FAM171B: variants seen among roughly 807,000 people sequenced by gnomAD.
FAM171B encodes protein FAM171B.
A neutral mutation model predicts 75.6 loss-of-function variants in FAM171B; 19 were observed. The ratio of observed to expected loss-of-function variants is 0.25; its 90% CI spans 0.18 to 0.37. FAM171B has a LOEUF of 0.37. FAM171B is among the 10% of genes least tolerant of loss of function. The probability of loss-of-function intolerance (pLI) is 1.00; values close to 1 mark genes in which losing one functional copy is unlikely to be tolerated. For missense variants in FAM171B, 848 were observed against 982.4 expected (o/e 0.86, Z 1.83); for synonymous variants, 367 against 361.7 (o/e 1.01, Z -0.17).
intron 1 of FAM171B, among the ~76,000 whole-genome samples, chr2:186,737,528 T>G (rs527974381): frequency 2.6e-5 from 4 of 152,160 alleles, no homozygotes; most frequent in Non-Finnish European, 5.9e-5. Flanking sequence ...AAGTTTTTTG[T>G]AGAGACAGGG....
In FAM171B at chr2:186,752,220, T is replaced by C. The variant is rs1239897119; in HGVS notation, c.895+916T>C. 2.0e-5 allele frequency among the ~76,000 whole-genome samples: 3 copies of C among 152,204 alleles called. No homozygotes were observed. The East Asian group carries it at 5.8e-4, about 29-fold the overall frequency. ...CTGTCTTTGTGACCTGCAAATTGAA[T>C]GCACAGATTTATTTAGACTTTAGGT... is the stretch of plus-strand genomic sequence containing the variant. On this transcript the variant is annotated intron_variant, in intron 5 of 7. Transcript: ENST00000304698.
chr2:186,724,392 A>G (rs1402113830), intron 1 of FAM171B, among the ~76,000 whole-genome samples: 1 of 152,144 alleles, frequency 6.6e-6, no homozygotes, highest in African/African-American at 2.4e-5. Flanking sequence ...CACATGACCA[A>G]TGCCTTGACA....
chr2:186,694,410 A>C lies in FAM171B; in HGVS notation c.237A>C (p.Pro79=), dbSNP rs745730645. 1.2e-6 allele frequency: 2 copies of C among 1,611,064 alleles called. No homozygotes were observed. Among genetic ancestry groups the C allele is most frequent in the Non-Finnish European group, 1.7e-6 (2 of 1,178,522 alleles). The change falls in exon 1 of 8, where the codon CCA becomes CCC. Residue 79 remains proline (P), a splice_region_variant and synonymous_variant. Transcript: ENST00000304698. The stretch of plus-strand genomic sequence containing the variant: ...GGGCAACCTCCACCTTGACGGTTCC[A>C]GGTAGGTCCTGGCTGCCCAGCCCGG... ...VPGATSTLTV[P]VSVFMLKVQV... is the part of the protein sequence containing the mutation.
rs773604753 is a variant in FAM171B at position 186,754,073 on chromosome 2, TA to T, written c.1012+28del. 1.6e-5 allele frequency: 24 copies of T among 1,518,414 alleles called. No individual in the cohort carries two copies. In the South Asian group the frequency reaches 2.3e-4, roughly 14 times the overall value. 94.1% of individuals were successfully genotyped at this position (1,518,414 alleles called of 1,614,324 possible). On this transcript the variant is annotated intron_variant, in intron 6 of 7. Coordinates refer to ENST00000304698, the MANE Select transcript of FAM171B (RefSeq NM_177454.4). ...AGGTATTGTAAAAAATGAAAGTAAT[TA>T]AAACATGTAATTCAAATAGTCTTGC...
intron 1 of FAM171B, among the ~76,000 whole-genome samples, chr2:186,739,728 T>G (rs1690259881): frequency 6.6e-6 from 1 of 152,230 alleles, no homozygotes; most frequent in Admixed American, 6.5e-5. Context: ...AATTAACTTT[T>G]ATTTTTGTAT....
intron 1 of FAM171B, among the ~76,000 whole-genome samples, chr2:186,733,211 A>G (rs1690146020): frequency 6.6e-6 from 1 of 152,172 alleles, no homozygotes; most frequent in South Asian, 2.1e-4. Flanking sequence ...TGATGTTACA[A>G]ATTTTACAAA....
intron 4 of FAM171B, among the ~76,000 whole-genome samples, chr2:186,748,284 C>A (rs1163120066): frequency 6.6e-6 from 1 of 151,538 alleles, no homozygotes; most frequent in East Asian, 1.9e-4. Context: ...AAAATCACCT[C>A]AAACAGTCTA....
chr2:186,723,873 C>A (rs1183003487), intron 1 of FAM171B, among the ~76,000 whole-genome samples: 1 of 152,074 alleles, frequency 6.6e-6, no homozygotes, highest in African/African-American at 2.4e-5. Flanking sequence ...GCCAGTAGTC[C>A]CATCTATTGG....
At chr2:186,695,043 A>G (rs1372100453) in intron 1 of FAM171B, 2 of 152,296 alleles carry the variant, frequency 1.3e-5, no homozygotes, top group African/African-American at 2.4e-5. Flanking sequence ...AAGCAAAACA[A>G]AACAGGAGTT....
chr2:186,719,550 GA>G (rs1298444390), intron 1 of FAM171B, among the ~76,000 whole-genome samples: 1 of 152,036 alleles, frequency 6.6e-6, no homozygotes, highest in Non-Finnish European at 1.5e-5. Context: ...ACTGTTGTGA[GA>G]AAAAAACAAA....
chr2:186,715,951 C>T (rs2105776874), intron 1 of FAM171B, among the ~76,000 whole-genome samples: 1 of 152,302 alleles, frequency 6.6e-6, no homozygotes, highest in East Asian at 1.9e-4. Flanking sequence ...CATGTGCTCA[C>T]CACTGAGATT....
At chr2:186,719,394 C>T (rs1326943376) in intron 1 of FAM171B, among the ~76,000 whole-genome samples, 1 of 152,182 alleles carries the variant, frequency 6.6e-6, no homozygotes, top group East Asian at 1.9e-4. Flanking sequence ...GTTTTCCCCA[C>T]TTTATTTCAC....
chr2:186,730,194 C>G (rs556559172), intron 1 of FAM171B, among the ~76,000 whole-genome samples: 171 of 152,280 alleles, frequency 1.1e-3, no homozygotes, highest in African/African-American at 3.7e-3. Context: ...CTCTTGACCT[C>G]GTGATCCACC....
At chr2:186,747,902 T>C (rs1242077780) in intron 4 of FAM171B, among the ~76,000 whole-genome samples, 1 of 152,154 alleles carries the variant, frequency 6.6e-6, no homozygotes, top group African/African-American at 2.4e-5. Flanking sequence ...CATTTCCCTC[T>C]GTACATCCAC....
At chr2:186,697,166 T>A (rs1175572046) in intron 1 of FAM171B, among the ~76,000 whole-genome samples, 1 of 152,260 alleles carries the variant, frequency 6.6e-6, no homozygotes, top group African/African-American at 2.4e-5. Context: ...GTAGAAGTTA[T>A]AAAGTATGTA....
At chr2:186,719,882 CA>C (rs377438909) in intron 1 of FAM171B, among the ~76,000 whole-genome samples, 10 of 151,986 alleles carry the variant, frequency 6.6e-5, no homozygotes, top group African/African-American at 2.2e-4. Context: ...GCATTGTTTC[CA>C]AATGTGAAAA....
intron 1 of FAM171B, among the ~76,000 whole-genome samples, chr2:186,719,875 T>C (rs1271137864): frequency 6.6e-6 from 1 of 152,204 alleles, no homozygotes; most frequent in East Asian, 1.9e-4. Flanking sequence ...GATTAAAGCA[T>C]TGTTTCCAAA....
rs367923542 is a variant in FAM171B, at chr2:186,761,536, C to T, written c.1194C>T (p.Leu398=). Residue 398 remains leucine (L), a synonymous_variant, in exon 8 of 8, where the codon CTC becomes CTT. Transcript: ENST00000304698. The part of the protein sequence containing the change: ...RERNITKLEV[L]KRDQTTSTTH... ...GAAATATCACTAAACTTGAGGTCCT[C>T]AAGAGAGACCAGACAACTTCAACAA... 2 of 1,604,452 alleles carry T rather than the reference C, an allele frequency of 1.2e-6. No homozygotes were observed. The highest frequency in any genetic ancestry group is 1.7e-6 in the Non-Finnish European group (2 of 1,177,276).
chr2:186,714,815 T>C (rs970690102), intron 1 of FAM171B, among the ~76,000 whole-genome samples: 3 of 152,210 alleles, frequency 2.0e-5, no homozygotes, highest in African/African-American at 4.8e-5. Flanking sequence ...TGTTTGCTTC[T>C]TGATCAGTTA....
Sources: gnomAD v4.1 joint callset for allele counts (sites outside exome capture counted in the v4.1 genomes callset) on GRCh38, gnomAD v4.1.1 for gene constraint, MANE v1.5 for transcripts, NCBI Gene and HGNC (gene_info 2026-07-23, HGNC 2026-07-21) for gene names.